LMBRD1: variants seen among roughly 807,000 people sequenced by gnomAD.
LMBRD1 encodes the protein lysosomal cobalamin transport escort protein LMBD1.
LMBRD1 carries 64 observed loss-of-function variants against 74.8 expected under a neutral mutation model. The observed-to-expected ratio is 0.86, with a 90% CI of 0.70 to 1.05. The LOEUF (loss-of-function observed/expected upper bound fraction) is 1.05. LMBRD1 is among the 50% of genes least tolerant of loss of function. The pLI is 0.00. For missense variants in LMBRD1, 652 were observed against 645.9 expected (o/e 1.01, Z -0.10); for synonymous variants, 204 against 216.3 (o/e 0.94, Z 0.50).
intron 3 of LMBRD1, among the ~76,000 whole-genome samples, chr6:69,759,062 G>T (rs924641675): frequency 1.6e-4 from 24 of 152,144 alleles, no homozygotes; most frequent in African/African-American, 5.6e-4. Context: ...TACAGTGGAA[G>T]TACTCCCAGA....
intron 3 of LMBRD1, among the ~76,000 whole-genome samples, chr6:69,763,682 C>T (rs1415244957): frequency 6.6e-6 from 1 of 152,160 alleles, no homozygotes; most frequent in Non-Finnish European, 1.5e-5. Flanking sequence ...AACTCCTACC[C>T]ATCAGAGCCT....
intron 3 of LMBRD1, among the ~76,000 whole-genome samples, chr6:69,763,523 T>C (rs906086084): frequency 3.3e-5 from 5 of 152,128 alleles, no homozygotes; most frequent in African/African-American, 4.8e-5. Context: ...TGTTTGGCTA[T>C]GAAAATGTAC....
chr6:69,752,198 A>T, intron 4 of LMBRD1, 61 bp downstream of exon 4: 1 of 1,523,778 alleles, frequency 6.6e-7, no homozygotes. Flanking sequence ...TCATTCTCTG[A>T]AAAAGCAGGT....
chr6:69,722,557 T>C (rs1330066947), intron 7 of LMBRD1, among the ~76,000 whole-genome samples: 1 of 152,154 alleles, frequency 6.6e-6, no homozygotes, highest in African/African-American at 2.4e-5. Context: ...AGTTAAAATG[T>C]CACGCTTCTA....
chr6:69,707,482 T>C (rs1188843926), intron 9 of LMBRD1, among the ~76,000 whole-genome samples: 1 of 152,234 alleles, frequency 6.6e-6, no homozygotes, highest in Admixed American at 6.5e-5. Context: ...TGGTGTATTT[T>C]GGCTTGAATT....
At chr6:69,714,303 A>G (rs988052828) in intron 8 of LMBRD1, among the ~76,000 whole-genome samples, 5 of 151,940 alleles carry the variant, frequency 3.3e-5, no homozygotes, top group African/African-American at 1.2e-4. Context: ...TTTTTGTAAC[A>G]ATTGCTAAGA....
At chr6:69,786,759 G>A (rs1298594933) in intron 2 of LMBRD1, among the ~76,000 whole-genome samples, 1 of 152,138 alleles carries the variant, frequency 6.6e-6, no homozygotes, top group East Asian at 1.9e-4. Context: ...AAAGCTAGAA[G>A]GGTAACTAAA....
At chr6:69,712,746 A>T (rs554005006) in intron 9 of LMBRD1, among the ~76,000 whole-genome samples, 1 of 152,276 alleles carries the variant, frequency 6.6e-6, no homozygotes, top group South Asian at 2.1e-4. Flanking sequence ...AAGAGTTGTC[A>T]TCTAAGGGGA....
At chr6:69,754,716 T>A (rs4457128) in intron 3 of LMBRD1, among the ~76,000 whole-genome samples, 16,922 of 152,116 alleles carry the variant, frequency 0.11, 2,630 homozygotes, top group African/African-American at 0.35. Context: ...GACATAAACA[T>A]TTATCTGCAA....
Position 69,715,637 on chromosome 6 carries a change from T to C in LMBRD1, c.763-1840A>G, listed in dbSNP as rs117999657. ...TTACCATATTACCATTCCCCTTTCC[T>C]ATGGTTTTTACTGTTAAGCAGTTAA... On this transcript the variant is annotated intron_variant, in intron 8 of 15. Coordinates refer to ENST00000649934, the MANE Select transcript of LMBRD1 (RefSeq NM_018368.4). Among the ~76,000 whole-genome samples the C allele has an allele frequency of 3.4e-3, 523 of 152,242 alleles. 2 individuals are homozygous for C. Among genetic ancestry groups the C allele is most frequent in the Non-Finnish European group, 6.4e-3 (438 of 68,016 alleles).
At chr6:69,780,452 G>T in intron 3 of LMBRD1, 42 bp downstream of exon 3, 1 of 1,399,164 alleles carries the variant, frequency 7.1e-7, no homozygotes, top group South Asian at 1.2e-5. Flanking sequence ...TCAGTATTTT[G>T]GTTAGCAGTC....
intron 3 of LMBRD1, among the ~76,000 whole-genome samples, chr6:69,753,266 T>C (rs551101071): frequency 1.3e-5 from 2 of 152,360 alleles, no homozygotes; most frequent in South Asian, 4.1e-4. Flanking sequence ...TGTTTTAAAA[T>C]CTGTATATTC....
At chr6:69,689,932 T>C (rs373292447) in intron 14 of LMBRD1, among the ~76,000 whole-genome samples, 14 of 152,160 alleles carry the variant, frequency 9.2e-5, no homozygotes, top group Admixed American at 3.3e-4. Flanking sequence ...CCATGGGGGA[T>C]TGGTTCCAGG....
At chr6:69,700,977 G>A (rs2149844633) in intron 11 of LMBRD1, 108 bp from the exon 12 acceptor site, 1 of 775,628 alleles carries the variant, frequency 1.3e-6, no homozygotes, top group Middle Eastern at 4.4e-4. Context: ...AATGTTTACA[G>A]TATCAACCTT....
intron 5 of LMBRD1, among the ~76,000 whole-genome samples, chr6:69,744,567 C>A (rs1767177302): frequency 6.6e-6 from 1 of 152,158 alleles, no homozygotes; most frequent in Admixed American, 6.5e-5. Flanking sequence ...AAAGGAAAAG[C>A]TAATGAATTT....
intron 1 of LMBRD1, among the ~76,000 whole-genome samples, chr6:69,791,431 A>C (rs1766082275): frequency 6.6e-6 from 1 of 152,196 alleles, no homozygotes; most frequent in African/African-American, 2.4e-5. Context: ...ACTTTTAAGT[A>C]CCCTTATAAC....
At chr6:69,772,609 A>G (rs937828299) in intron 3 of LMBRD1, among the ~76,000 whole-genome samples, 1 of 152,142 alleles carries the variant, frequency 6.6e-6, no homozygotes, top group Non-Finnish European at 1.5e-5. Flanking sequence ...ACCACTTAGA[A>G]AACATCCCCT....
chr6:69,789,973 C>A (rs1391147416), intron 2 of LMBRD1, among the ~76,000 whole-genome samples: 1 of 152,246 alleles, frequency 6.6e-6, no homozygotes, highest in Non-Finnish European at 1.5e-5. Context: ...TCCTGATCTG[C>A]CACTAACAAA....
chr6:69,686,454 C>G (rs1765765771), intron 14 of LMBRD1, among the ~76,000 whole-genome samples: 1 of 151,962 alleles, frequency 6.6e-6, no homozygotes, highest in South Asian at 2.1e-4. Context: ...AAAACAAAGT[C>G]AAGTAGGCCC....
Sources: allele counts gnomAD v4.1 joint callset (sites outside exome capture counted in the v4.1 genomes callset), GRCh38; gene constraint gnomAD v4.1.1; transcripts MANE v1.5; gene names NCBI Gene and HGNC (gene_info 2026-07-23, HGNC 2026-07-21).